CATSPER3: variants seen among roughly 807,000 people sequenced by gnomAD.
The protein encoded by CATSPER3 is cation channel sperm-associated protein 3.
A neutral mutation model predicts 36.6 loss-of-function variants in CATSPER3; 23 were observed. The ratio of observed to expected loss-of-function variants is 0.63; its 90% CI spans 0.45 to 0.89. The LOEUF (loss-of-function observed/expected upper bound fraction) is 0.89, where lower values mean the gene tolerates loss of function less well. CATSPER3 is among the 40% of genes least tolerant of loss of function. The probability of loss-of-function intolerance (pLI) is 0.00; values close to 1 mark genes in which losing one functional copy is unlikely to be tolerated. For missense variants in CATSPER3, 474 were observed against 503.9 expected (o/e 0.94, Z 0.57); for synonymous variants, 172 against 184.1 (o/e 0.93, Z 0.53).
At chr5:134,970,187 T>C in intron 2 of CATSPER3, 95 bp downstream of exon 2, 1 of 1,226,268 alleles carries the variant, frequency 8.2e-7, no homozygotes. Flanking sequence ...CGAGACAGAA[T>C]CTCACTCTGT....
intron 2 of CATSPER3, among the ~76,000 whole-genome samples, chr5:134,976,944 T>C (rs1178207654): frequency 6.6e-6 from 1 of 152,204 alleles, no homozygotes; most frequent in Admixed American, 6.5e-5. Flanking sequence ...AGCCAGGATG[T>C]GGGGAGCAGT....
intron 2 of CATSPER3, among the ~76,000 whole-genome samples, chr5:134,981,125 C>G (rs892633157): frequency 3.6e-4 from 54 of 151,352 alleles, no homozygotes; most frequent in Non-Finnish European, 7.1e-4. Flanking sequence ...CCTCTTCTTC[C>G]CTTCATTTTT....
At chr5:134,996,567 C>T (rs1358594236) in intron 3 of CATSPER3, 55 bp downstream of exon 3, 6 of 1,589,230 alleles carry the variant, frequency 3.8e-6, no homozygotes, top group Non-Finnish European at 5.2e-6. Context: ...GGCCCATTTG[C>T]CCCCAAGACA....
chr5:134,998,982 C>T (rs1054473056), intron 3 of CATSPER3, among the ~76,000 whole-genome samples: 3 of 152,150 alleles, frequency 2.0e-5, no homozygotes, highest in African/African-American at 7.2e-5. Flanking sequence ...GACATGAAGT[C>T]CTTGCCATGC....
chr5:135,010,253 T>C (rs899271492), intron 6 of CATSPER3, 120 bp from the exon 7 acceptor site: 4 of 875,808 alleles, frequency 4.6e-6, no homozygotes, highest in Non-Finnish European at 7.6e-6. Flanking sequence ...AGGCTGAAGC[T>C]TCCTTCCAGG....
intron 2 of CATSPER3, among the ~76,000 whole-genome samples, chr5:134,977,540 G>A (rs1751688793): frequency 6.6e-6 from 1 of 152,172 alleles, no homozygotes; most frequent in Non-Finnish European, 1.5e-5. Flanking sequence ...GTCTTTATCA[G>A]CATTTTGGTC....
At chr5:134,987,355 C>A (rs755172339) in intron 2 of CATSPER3, among the ~76,000 whole-genome samples, 6 of 152,084 alleles carry the variant, frequency 3.9e-5, no homozygotes, top group Non-Finnish European at 8.8e-5. Context: ...AACCTCCCAA[C>A]AAAGAAAATC....
rs1046863875 is a variant in CATSPER3, at chr5:134,995,751, T to C, written c.253-522T>C. On this transcript the variant is annotated intron_variant, in intron 2 of 7. Coordinates refer to ENST00000282611, the MANE Select transcript of CATSPER3 (RefSeq NM_178019.3). Reference sequence around the variant, plus strand: ...CTTAGATGACACAAAGAGTACTTCTTGGTAAAAACAAAGCCATTAGAGTTG... The same window carrying C: ...CTTAGATGACACAAAGAGTACTTCTCGGTAAAAACAAAGCCATTAGAGTTG... 5 of 194,278 alleles carry C rather than the reference T, an allele frequency of 2.6e-5. No individual in the cohort carries two copies. In the East Asian group the frequency reaches 5.7e-4, roughly 22 times the overall value. 12.0% of individuals were successfully genotyped at this position (194,278 alleles called of 1,614,324 possible).
chr5:134,973,987 T>C (rs1751637824), intron 2 of CATSPER3, among the ~76,000 whole-genome samples: 1 of 152,216 alleles, frequency 6.6e-6, no homozygotes, highest in African/African-American at 2.4e-5. Flanking sequence ...GGAAACATCT[T>C]TTTATAGATG....
rs141786005 is a variant in CATSPER3, at chr5:135,009,373, C to A, written c.819C>A (p.Asp273Glu). The A allele has an allele frequency of 4.3e-6, 7 of 1,613,088 alleles. No homozygotes were observed. The African/African-American group carries it at 9.3e-5, about 22-fold the overall frequency. The change falls in exon 6 of 8, where the codon GAC (aspartate) becomes GAA (glutamate). Residue 273 changes from aspartate to glutamate, a missense_variant and splice_region_variant. Asp to Glu is a conservative substitution (Grantham distance 45). Transcript: ENST00000282611. ...ACCTCCATCGTCTGACTCTCTAGGA[C>A]TCCATCAGAAAGTTTGAGCGAGAGC... The part of the protein sequence containing the change: ...FVGVMIMHTE[D>E]SIRKFERELM...
intron 2 of CATSPER3, among the ~76,000 whole-genome samples, chr5:134,973,168 A>G (rs1040374691): frequency 6.6e-6 from 1 of 152,208 alleles, no homozygotes; most frequent in African/African-American, 2.4e-5. Context: ...ATGATTAGAG[A>G]AGCATCAACA....
At chr5:134,981,302 C>T (rs1751748370) in intron 2 of CATSPER3, among the ~76,000 whole-genome samples, 1 of 152,034 alleles carries the variant, frequency 6.6e-6, no homozygotes. Context: ...ACCAGCCTGG[C>T]CAACATGGTG....
At chr5:135,002,577 C>T (rs1236627658) in intron 3 of CATSPER3, among the ~76,000 whole-genome samples, 4 of 152,218 alleles carry the variant, frequency 2.6e-5, no homozygotes, top group Non-Finnish European at 4.4e-5. Flanking sequence ...TGGTTCCATT[C>T]TCCCTGTCAC....
chr5:135,007,845 G>C (rs1287941985), intron 3 of CATSPER3, 112 bp from the exon 4 acceptor site: 15 of 511,016 alleles, frequency 2.9e-5, no homozygotes, highest in Non-Finnish European at 5.1e-5. Context: ...CTTGTGCCAG[G>C]CATGGCAACA....
chr5:134,975,424 C>T, intron 2 of CATSPER3: 1 of 152,892 alleles, frequency 6.5e-6, no homozygotes, highest in Non-Finnish European at 1.5e-5. Context: ...ATAGTGAGAC[C>T]CTGTCTCTGT....
chr5:134,968,387 A>G (rs990959467), intron 1 of CATSPER3: 9 of 379,130 alleles, frequency 2.4e-5, no homozygotes, highest in African/African-American at 1.3e-4. Context: ...ACATATCTTG[A>G]TATATTAGAA....
intron 2 of CATSPER3, among the ~76,000 whole-genome samples, chr5:134,985,367 G>A (rs1025532479): frequency 6.6e-5 from 10 of 152,166 alleles, no homozygotes; most frequent in African/African-American, 2.4e-4. Context: ...ATAAGTGGGA[G>A]CTAAACTGTG....
chr5:134,984,787 A>C (rs764016376), intron 2 of CATSPER3, among the ~76,000 whole-genome samples: 20 of 152,000 alleles, frequency 1.3e-4, no homozygotes, highest in Non-Finnish European at 2.5e-4. Flanking sequence ...CCCCAAAGGA[A>C]AAAAAAATCA....
chr5:135,007,655 C>T (rs1186737861), intron 3 of CATSPER3, among the ~76,000 whole-genome samples: 1 of 152,218 alleles, frequency 6.6e-6, no homozygotes, highest in East Asian at 1.9e-4. Context: ...GGTTGGGGTT[C>T]AAGTGGAGTG....
Sources: gnomAD v4.1 joint callset for allele counts (sites outside exome capture counted in the v4.1 genomes callset) on GRCh38, gnomAD v4.1.1 for gene constraint, MANE v1.5 for transcripts, NCBI Gene and HGNC (gene_info 2026-07-23, HGNC 2026-07-21) for gene names.